The following TNFAIP8L1 variants were observed in gnomAD, a reference collection of about 807,000 sequenced individuals.
The protein encoded by TNFAIP8L1 is tumor necrosis factor alpha-induced protein 8-like protein 1.
For missense variants in TNFAIP8L1, 225 were observed against 266.1 expected (o/e 0.85, Z 1.08); for synonymous variants, 127 against 125.6 (o/e 1.01, Z -0.08).
chr19:4,652,032 G>A lies in TNFAIP8L1; in HGVS notation c.163G>A (p.Glu55Lys). 7 of 1,613,946 alleles carry A rather than the reference G, an allele frequency of 4.3e-6. No homozygotes were observed. Among genetic ancestry groups the A allele is most frequent in the South Asian group, 1.1e-5 (1 of 91,034 alleles). ...ATREFTRSRK[E>K]AQKMLKNLVK... is the part of the protein sequence containing the mutation. The stretch of plus-strand genomic sequence containing the variant: ...CAGGGAGTTCACGCGCAGCCGCAAG[G>A]AGGCCCAGAAGATGCTCAAGAACCT... The change falls in exon 2 of 2, where the codon GAG (glutamate) becomes AAG (lysine). Residue 55 changes from glutamate to lysine, a missense_variant. Glu to Lys is a moderately conservative substitution (Grantham distance 56). Transcript: ENST00000327473.
chr19:4,643,003 C>T (rs1216748608), intron 1 of TNFAIP8L1, among the ~76,000 whole-genome samples: 1 of 151,680 alleles, frequency 6.6e-6, no homozygotes, highest in Non-Finnish European at 1.5e-5. Context: ...TTGCGTTAGG[C>T]CAGGCAGGGT....
intron 1 of TNFAIP8L1, chr19:4,640,903 A>G (rs1040143107): frequency 1.3e-5 from 2 of 152,490 alleles, no homozygotes; most frequent in African/African-American, 2.4e-5. Context: ...CGCTGTACCT[A>G]TGGAAACCGT....
chr19:4,651,350 A>AT lies in TNFAIP8L1; in HGVS notation c.-3-505dup, dbSNP rs932783244. ...TAATAAATACAAAATAAAATTTTTG[A>AT]TTTTTTTTTTTTAGAGATAGGGTCT... is the stretch of plus-strand genomic sequence containing the variant. On this transcript the variant is annotated intron_variant, in intron 1 of 1. Coordinates refer to ENST00000327473, the MANE Select transcript of TNFAIP8L1 (RefSeq NM_152362.3). Among the ~76,000 whole-genome samples, 1,232 of 146,084 alleles carry AT rather than the reference A, an allele frequency of 8.4e-3. 14 individuals carry two copies. Among genetic ancestry groups the AT allele is most frequent in the African/African-American group, 0.027 (1,063 of 40,102 alleles).
chr19:4,649,792 G>T (rs1399800025), intron 1 of TNFAIP8L1, among the ~76,000 whole-genome samples: 1 of 152,264 alleles, frequency 6.6e-6, no homozygotes. Context: ...CAGAGCCAGG[G>T]TCTGGTGACC....
intron 1 of TNFAIP8L1, among the ~76,000 whole-genome samples, chr19:4,646,942 C>T (rs981544679): frequency 6.6e-6 from 1 of 152,184 alleles, no homozygotes; most frequent in Non-Finnish European, 1.5e-5. Context: ...CTGAACATTT[C>T]ATAGAAGTGG....
At chr19:4,648,577 T>A (rs1185301191) in intron 1 of TNFAIP8L1, among the ~76,000 whole-genome samples, 3 of 152,176 alleles carry the variant, frequency 2.0e-5, no homozygotes, top group Non-Finnish European at 2.9e-5. Flanking sequence ...TTGCCCCCCA[T>A]CCCTCTTCCT....
chr19:4,651,791 C>T, intron 1 of TNFAIP8L1, 76 bp from the exon 2 acceptor site: 8 of 1,458,276 alleles, frequency 5.5e-6, no homozygotes, highest in Non-Finnish European at 7.4e-6. Context: ...CCTCTGGGGT[C>T]TGTGGTGTTG....
chr19:4,643,270 C>T (rs1410066166), intron 1 of TNFAIP8L1, among the ~76,000 whole-genome samples: 2 of 149,210 alleles, frequency 1.3e-5, no homozygotes, highest in Non-Finnish European at 3.0e-5. Context: ...CAGAGTGAGA[C>T]TCTGTCTCAA....
intron 1 of TNFAIP8L1, among the ~76,000 whole-genome samples, chr19:4,648,719 C>A (rs8108482): frequency 6.6e-6 from 1 of 152,120 alleles, no homozygotes; most frequent in Non-Finnish European, 1.5e-5. Flanking sequence ...CAAGGCCCAG[C>A]GAGGGGCACA....
chr19:4,650,143 T>TC (rs1399518597), intron 1 of TNFAIP8L1, among the ~76,000 whole-genome samples: 1 of 152,088 alleles, frequency 6.6e-6, no homozygotes, highest in Non-Finnish European at 1.5e-5. Flanking sequence ...GCCCATGACC[T>TC]CCCCTGTGGC....
At chr19:4,642,976 G>A (rs372087682) in intron 1 of TNFAIP8L1, among the ~76,000 whole-genome samples, 28 of 152,040 alleles carry the variant, frequency 1.8e-4, no homozygotes, top group African/African-American at 5.8e-4. Flanking sequence ...GAGGCTGTGG[G>A]GGAGATAAGA....
At chr19:4,649,342 C>A (rs1412342723) in intron 1 of TNFAIP8L1, among the ~76,000 whole-genome samples, 1 of 152,014 alleles carries the variant, frequency 6.6e-6, no homozygotes, top group African/African-American at 2.4e-5. Context: ...TGCAGCCTCT[C>A]GTCCAGAGGA....
chr19:4,644,607 T>A (rs1279795818), intron 1 of TNFAIP8L1, among the ~76,000 whole-genome samples: 1 of 123,838 alleles, frequency 8.1e-6, no homozygotes, highest in African/African-American at 3.6e-5. Context: ...AGTCATGGAT[T>A]TTTTTTTTTT....
intron 1 of TNFAIP8L1, chr19:4,640,976 G>A (rs1445572806): frequency 1.3e-5 from 2 of 151,460 alleles, no homozygotes; most frequent in African/African-American, 4.8e-5. Flanking sequence ...CCAGAGGCTG[G>A]AGCAGCCTGG....
intron 1 of TNFAIP8L1, among the ~76,000 whole-genome samples, chr19:4,648,506 G>A (rs2088332301): frequency 6.6e-6 from 1 of 152,220 alleles, no homozygotes; most frequent in South Asian, 2.1e-4. Context: ...GTGTCAGCAG[G>A]TCCCGGGGCT....
intron 1 of TNFAIP8L1, among the ~76,000 whole-genome samples, chr19:4,648,327 C>T (rs1438183720): frequency 1.3e-5 from 2 of 152,342 alleles, no homozygotes; most frequent in East Asian, 1.9e-4. Context: ...CTGATGCGGC[C>T]GCTACACCGC....
In TNFAIP8L1 at chr19:4,641,437, G is replaced by C. The variant is rs2088260553; in HGVS notation, c.-4+1808G>C. ...GGGCAAGGAGGCAGAGCGAGAGGCA[G>C]GAACGGCCCAGTTCCACAGCATGCC... On this transcript the variant is annotated intron_variant, in intron 1 of 1. Transcript: ENST00000327473. The surrounding 1 kb of genome is among the most constrained non-coding windows in gnomAD (Gnocchi z 4.6). 1 of 152,362 alleles carries C rather than the reference G, an allele frequency of 6.6e-6. No homozygotes were observed. Among genetic ancestry groups the C allele is most frequent in the South Asian group, 2.1e-4 (1 of 4,830 alleles). 9.4% of individuals were successfully genotyped at this position (152,362 alleles called of 1,614,324 possible). A position where few individuals can be genotyped will look rare whatever the true frequency, so the allele number is the denominator to read the frequency against.
At chr19:4,649,250 G>A (rs1485791957) in intron 1 of TNFAIP8L1, among the ~76,000 whole-genome samples, 1 of 150,628 alleles carries the variant, frequency 6.6e-6, no homozygotes, top group African/African-American at 2.5e-5. Context: ...TTTTTGCACA[G>A]GGAATCTCAC....
rs2088339510 is a variant in TNFAIP8L1, at chr19:4,649,214, G to A, written c.-3-2653G>A. 1.3e-5 allele frequency among the ~76,000 whole-genome samples: 2 copies of A among 150,616 alleles called. 1 individual carries two copies. Among genetic ancestry groups the A allele is most frequent in the South Asian group, 4.2e-4 (2 of 4,818 alleles). The stretch of plus-strand genomic sequence containing the variant: ...GAAAGTGCTGGGATTACAGGTGTGA[G>A]CCACCGCGCCCGGCCAGCTTTTTTT... On this transcript the variant is annotated intron_variant, in intron 1 of 1. Coordinates refer to ENST00000327473, the MANE Select transcript of TNFAIP8L1 (RefSeq NM_152362.3).
Sources: gnomAD v4.1 joint callset for allele counts (sites outside exome capture counted in the v4.1 genomes callset) on GRCh38, gnomAD v4.1.1 for gene constraint, Gnocchi (gnomAD v3.1) non-coding constraint, MANE v1.5 for transcripts, NCBI Gene and HGNC (gene_info 2026-07-23, HGNC 2026-07-21) for gene names.